Variants in CRTAC1 observed in about 807,000 individuals in gnomAD.
The protein encoded by CRTAC1 is cartilage acidic protein 1.
A neutral mutation model predicts 67.8 loss-of-function variants in CRTAC1; 37 were observed. The ratio of observed to expected loss-of-function variants is 0.55; its 90% CI spans 0.42 to 0.72. The LOEUF (loss-of-function observed/expected upper bound fraction) is 0.72, where lower values mean the gene tolerates loss of function less well. Ranked by LOEUF, CRTAC1 falls within the 30% of genes least tolerant of loss-of-function variation. CRTAC1 has a pLI of 0.00. For synonymous variants in CRTAC1, 348 were observed against 371.0 expected (o/e 0.94, Z 0.71); for missense variants, 780 against 931.6 (o/e 0.84, Z 2.12).
In CRTAC1 at chr10:97,917,490, C is replaced by T. The variant is rs921252257; in HGVS notation, c.715+10G>A. 1.3e-6 allele frequency: 2 copies of T among 1,501,432 alleles called. No homozygotes were observed. 93.0% of individuals were successfully genotyped at this position (1,501,432 alleles called of 1,614,324 possible). A position where few individuals can be genotyped will look rare whatever the true frequency, so the allele number is the denominator to read the frequency against. On this transcript the variant is annotated intron_variant, in intron 5 of 14. Transcript: ENST00000370597. Reference sequence around the variant, plus strand: ...CTCCAGCATACTACCTCCCATGTCACTCTGCATACCTGTATATTTGCTGAC... The same window carrying T: ...CTCCAGCATACTACCTCCCATGTCATTCTGCATACCTGTATATTTGCTGAC...
At chr10:97,874,397 G>A (rs1266359896) in intron 14 of CRTAC1, among the ~76,000 whole-genome samples, 1 of 152,208 alleles carries the variant, frequency 6.6e-6, no homozygotes, top group African/African-American at 2.4e-5. Flanking sequence ...TATTCTTTCT[G>A]GGAATGGCAC....
At chr10:97,983,525 T>A (rs2051931903) in intron 2 of CRTAC1, among the ~76,000 whole-genome samples, 1 of 148,096 alleles carries the variant, frequency 6.8e-6, no homozygotes, top group South Asian at 2.1e-4. Flanking sequence ...GGTTGTGCTC[T>A]TTTGATCACA....
At chr10:97,902,055 T>G (rs1344668691) in intron 7 of CRTAC1, among the ~76,000 whole-genome samples, 1 of 152,162 alleles carries the variant, frequency 6.6e-6, no homozygotes, top group Admixed American at 6.5e-5. Context: ...CTCTGTGCCC[T>G]TTCTCCTAGG....
intron 14 of CRTAC1, among the ~76,000 whole-genome samples, chr10:97,872,242 C>T (rs1289740965): frequency 6.6e-6 from 1 of 151,984 alleles, no homozygotes; most frequent in African/African-American, 2.4e-5. Flanking sequence ...CATCTGCAGA[C>T]CCCTAGGGCA....
At chr10:97,924,201 T>G (rs1590212496) in intron 3 of CRTAC1, among the ~76,000 whole-genome samples, 1 of 152,300 alleles carries the variant, frequency 6.6e-6, no homozygotes, top group East Asian at 1.9e-4. Flanking sequence ...TAACTGCTGG[T>G]TGCTGAGGTC....
intron 2 of CRTAC1, among the ~76,000 whole-genome samples, chr10:97,995,932 G>A (rs144881267): frequency 1.8e-3 from 273 of 152,190 alleles, no homozygotes; most frequent in Non-Finnish European, 2.5e-3. Context: ...GGGCTGAGGT[G>A]GGTGGATCAC....
At chr10:97,946,206 A>G (rs2136626119) in intron 2 of CRTAC1, among the ~76,000 whole-genome samples, 4 of 152,396 alleles carry the variant, frequency 2.6e-5, no homozygotes, top group Admixed American at 2.6e-4. Flanking sequence ...TGTGTTAATC[A>G]GGATTCTTTG....
chr10:98,025,862 G>T (rs1843222286), intron 1 of CRTAC1, among the ~76,000 whole-genome samples: 3 of 152,170 alleles, frequency 2.0e-5, no homozygotes, highest in African/African-American at 7.2e-5. Flanking sequence ...ATCACATTCA[G>T]AATTATCCTG....
At chr10:98,009,843 T>G (rs1053282488) in intron 2 of CRTAC1, among the ~76,000 whole-genome samples, 3 of 152,100 alleles carry the variant, frequency 2.0e-5, no homozygotes, top group African/African-American at 7.2e-5. Context: ...AGCCTTGGGG[T>G]TCAGATCCCG....
intron 2 of CRTAC1, among the ~76,000 whole-genome samples, chr10:97,972,972 G>A (rs2051739358): frequency 6.6e-6 from 1 of 152,118 alleles, no homozygotes; most frequent in Non-Finnish European, 1.5e-5. Flanking sequence ...ACTGTGTCAA[G>A]TGTAATTGTG....
At chr10:97,989,391 T>C (rs1367423440) in intron 2 of CRTAC1, among the ~76,000 whole-genome samples, 1 of 152,210 alleles carries the variant, frequency 6.6e-6, no homozygotes, top group Non-Finnish European at 1.5e-5. Flanking sequence ...ACAAACCTAG[T>C]CTTACTTACA....
rs1217255042 is a variant in CRTAC1, at chr10:97,884,157, T to C, written c.1632+49A>G. 9 of 1,539,454 alleles carry C rather than the reference T, an allele frequency of 5.8e-6. No homozygotes were observed. In the East Asian group the frequency reaches 2.0e-4, roughly 33 times the overall value. Reference sequence around the variant, plus strand: ...AACCCAGCTTCAGCCCATGGGGTTGTGGGTGGTGCCCGCTTTTCTGGCTAT... The same window carrying C: ...AACCCAGCTTCAGCCCATGGGGTTGCGGGTGGTGCCCGCTTTTCTGGCTAT... On this transcript the variant is annotated intron_variant, in intron 12 of 14. Transcript: ENST00000370597.
At chr10:97,891,500 C>G (rs924240227) in intron 11 of CRTAC1, among the ~76,000 whole-genome samples, 6 of 152,268 alleles carry the variant, frequency 3.9e-5, no homozygotes, top group African/African-American at 1.4e-4. Context: ...CCTGAGTCCT[C>G]TCATGGCCAC....
intron 2 of CRTAC1, among the ~76,000 whole-genome samples, chr10:97,959,380 A>G (rs494243): frequency 0.42 from 63,172 of 152,086 alleles, 13,370 homozygotes; most frequent in African/African-American, 0.47. Context: ...TAGAATGACC[A>G]TGTGGCACAT....
intron 2 of CRTAC1, 137 bp downstream of exon 2, chr10:98,011,001 G>A (rs907447692): frequency 4.7e-5 from 36 of 773,248 alleles, no homozygotes; most frequent in Non-Finnish European, 7.3e-5. Context: ...CCAAGCTGCA[G>A]CTGAGCCACA....
chr10:98,026,519 G>A (rs748566964), intron 1 of CRTAC1, among the ~76,000 whole-genome samples: 4 of 152,070 alleles, frequency 2.6e-5, no homozygotes, highest in Non-Finnish European at 4.4e-5. Flanking sequence ...GAGAATGCAG[G>A]CTCATTTCAC....
intron 5 of CRTAC1, among the ~76,000 whole-genome samples, chr10:97,917,161 C>T (rs559569025): frequency 3.9e-5 from 6 of 152,320 alleles, no homozygotes; most frequent in Admixed American, 6.5e-5. Context: ...CCTACAGAAC[C>T]TGCTCACCCA....
intron 9 of CRTAC1, 76 bp downstream of exon 9, chr10:97,896,833 T>TCCCCCCCC: frequency 2.2e-6 from 1 of 450,864 alleles, no homozygotes. Context: ...GGCTGCCCCG[T>TCCCCCCCC]CCCTCCCGCC....
At chr10:97,989,490 T>A (rs137957219) in intron 2 of CRTAC1, among the ~76,000 whole-genome samples, 36 of 152,328 alleles carry the variant, frequency 2.4e-4, no homozygotes, top group South Asian at 1.5e-3. Flanking sequence ...GCACAGCATG[T>A]TACTGTACTG....
Sources: gnomAD v4.1 joint callset for allele counts (sites outside exome capture counted in the v4.1 genomes callset) on GRCh38, gnomAD v4.1.1 for gene constraint, MANE v1.5 for transcripts, NCBI Gene and HGNC (gene_info 2026-07-23, HGNC 2026-07-21) for gene names.